AGAP1: variants seen among roughly 807,000 people sequenced by gnomAD.
AGAP1 encodes arf-GAP with GTPase, ANK repeat and PH domain-containing protein 1.
A neutral mutation model predicts 105.3 loss-of-function variants in AGAP1; 29 were observed. The ratio of observed to expected loss-of-function variants is 0.28; its 90% CI spans 0.21 to 0.38. The LOEUF (loss-of-function observed/expected upper bound fraction) is 0.38, where lower values mean the gene tolerates loss of function less well. Ranked by LOEUF, AGAP1 falls within the 10% of genes least tolerant of loss-of-function variation. The pLI is 1.00. For missense variants in AGAP1, 998 were observed against 1,165.1 expected, an observed-to-expected ratio of 0.86 and a Z score of 2.09; for synonymous variants, 509 against 485.9, an observed-to-expected ratio of 1.05 and a Z score of -0.63.
At chr2:236,060,046 G>A (rs1241590677) in intron 16 of AGAP1, among the ~76,000 whole-genome samples, 8 of 152,086 alleles carry the variant, frequency 5.3e-5, no homozygotes, top group South Asian at 4.2e-4. Context: ...AGCCGAGATC[G>A]CACCACTGCA....
chr2:235,956,243 G>C (rs2053943784), intron 12 of AGAP1, among the ~76,000 whole-genome samples: 1 of 152,196 alleles, frequency 6.6e-6, no homozygotes. Flanking sequence ...TAACAGCGCT[G>C]CGCATCGTGC....
chr2:235,745,412 T>G (rs1246987820), intron 5 of AGAP1, among the ~76,000 whole-genome samples: 1 of 152,328 alleles, frequency 6.6e-6, no homozygotes, highest in African/African-American at 2.4e-5. Context: ...ACTTGGTCTC[T>G]TAGTGGAGTG....
chr2:236,104,772 C>T lies in AGAP1; in HGVS notation c.2115-15420C>T, dbSNP rs1345488142. Among the ~76,000 whole-genome samples the T allele has an allele frequency of 2.0e-5, 3 of 152,154 alleles. No individual in the cohort carries two copies. The highest frequency in any genetic ancestry group is 4.4e-5 in the Non-Finnish European group (3 of 68,030). On this transcript the variant is annotated intron_variant, in intron 16 of 17. Transcript: ENST00000304032. The surrounding 1 kb of genome is among the most constrained non-coding windows in gnomAD (Gnocchi z 4.7). Reference sequence around the variant, plus strand: ...GGCATGGTGATGCGTGCCTGTAATCCCAGCTACTCGGGAGGCTGAGGCAGG... The same window carrying T: ...GGCATGGTGATGCGTGCCTGTAATCTCAGCTACTCGGGAGGCTGAGGCAGG...
In AGAP1 at chr2:235,942,523, C is replaced by G. The variant is rs560932317; in HGVS notation, c.1483+11600C>G. 3.1e-3 allele frequency among the ~76,000 whole-genome samples: 464 copies of G among 152,006 alleles called. 1 individual carries two copies. Among genetic ancestry groups the G allele is most frequent in the Non-Finnish European group, 5.1e-3 (350 of 67,970 alleles). On this transcript the variant is annotated intron_variant, in intron 12 of 17. Transcript: ENST00000304032. ...AGATACCCCGTCTCTGCTAAAAATA[C>G]AAAAGTAGCCAGGCATGGTGGAACA... is the stretch of plus-strand genomic sequence containing the variant.
intron 17 of AGAP1, among the ~76,000 whole-genome samples, chr2:236,122,619 C>G (rs933258105): frequency 3.3e-5 from 5 of 151,962 alleles, no homozygotes; most frequent in Admixed American, 3.3e-4. Flanking sequence ...TAATCAATCA[C>G]AGATCCTAAG....
chr2:235,669,938 C>A (rs1265429220), intron 1 of AGAP1: 1 of 154,858 alleles, frequency 6.5e-6, no homozygotes, highest in Non-Finnish European at 1.4e-5. Flanking sequence ...GCGCACGGGC[C>A]GGCGGGTGCC....
Position 236,042,119 on chromosome 2 carries a change from A to G in AGAP1, c.1891+1278A>G, listed in dbSNP as rs1026584578. Among the ~76,000 whole-genome samples, 3 of 152,116 alleles carry G rather than the reference A, an allele frequency of 2.0e-5. No individual in the cohort carries two copies. In the East Asian group the frequency reaches 5.8e-4, roughly 29 times the overall value. On this transcript the variant is annotated intron_variant, in intron 15 of 17. Coordinates refer to ENST00000304032, the MANE Select transcript of AGAP1 (RefSeq NM_001037131.3). This position sits in a 1 kb window ranked among gnomAD's most constrained non-coding sequence, Gnocchi z 5.6. ...GAGTTTTAGAGCAGGAAGGAGATGGACCCTGAGCTCCACTTGGGGAGATGG... is the reference window on the plus strand; with the variant it reads ...GAGTTTTAGAGCAGGAAGGAGATGGGCCCTGAGCTCCACTTGGGGAGATGG...
At chr2:235,653,928 C>T (rs1184373283) in intron 1 of AGAP1, among the ~76,000 whole-genome samples, 4 of 152,110 alleles carry the variant, frequency 2.6e-5, no homozygotes, top group Non-Finnish European at 4.4e-5. Flanking sequence ...TGGTGGCAGG[C>T]GCCTGTAATC....
At position 236,120,663 on chromosome 2, in the gene AGAP1, A is replaced by G. The variant is rs2059877778; in HGVS notation, c.2370+216A>G. On this transcript the variant is annotated intron_variant, in intron 17 of 17. Transcript: ENST00000304032. The surrounding 1 kb of genome is among the most constrained non-coding windows in gnomAD (Gnocchi z 6.0). ...ACTTGCTAGAGTTTCTGAAAATTGCAACTTTGTGATTGCCCCTTATCAAGC... is the reference window on the plus strand; with the variant it reads ...ACTTGCTAGAGTTTCTGAAAATTGCGACTTTGTGATTGCCCCTTATCAAGC... Among the ~76,000 whole-genome samples, 1 of 152,202 alleles carries G rather than the reference A, an allele frequency of 6.6e-6. No individual in the cohort carries two copies. The highest frequency in any genetic ancestry group is 2.4e-5 in the African/African-American group (1 of 41,458).
rs1236130583 is a variant in AGAP1 at position 235,609,013 on chromosome 2, G to A, written c.164-100166G>A. ...AATTACAGAAGAGCAAATTTAAGAA[G>A]CTAAGGAGGGAGGAAGGAGGCAGTG... On this transcript the variant is annotated intron_variant, in intron 1 of 17. Coordinates refer to ENST00000304032, the MANE Select transcript of AGAP1 (RefSeq NM_001037131.3). The surrounding 1 kb of genome is among the most constrained non-coding windows in gnomAD (Gnocchi z 5.1). Among the ~76,000 whole-genome samples the A allele has an allele frequency of 6.6e-6, 1 of 151,958 alleles. No homozygotes were observed. Among genetic ancestry groups the A allele is most frequent in the Non-Finnish European group, 1.5e-5 (1 of 68,018 alleles).
At position 235,943,565 on chromosome 2, in the gene AGAP1, G is replaced by A. The variant is rs186258145; in HGVS notation, c.1483+12642G>A. ...GGGTTTCGCCATGTTGGCCAGGCTG[G>A]TCCCGAACTCCTGACCTAAGGTGAT... On this transcript the variant is annotated intron_variant, in intron 12 of 17. Transcript: ENST00000304032. 2.6e-5 allele frequency among the ~76,000 whole-genome samples: 4 copies of A among 152,112 alleles called. No homozygotes were observed. In the East Asian group the frequency reaches 7.7e-4, roughly 29 times the overall value.
At chr2:235,873,485 T>C (rs1158977882) in intron 9 of AGAP1, among the ~76,000 whole-genome samples, 2 of 152,094 alleles carry the variant, frequency 1.3e-5, no homozygotes, top group Non-Finnish European at 2.9e-5. Context: ...TTTTTCCTAT[T>C]GTTTTGGCAA....
At chr2:235,870,502 T>A (rs1337063604) in intron 9 of AGAP1, among the ~76,000 whole-genome samples, 1 of 152,080 alleles carries the variant, frequency 6.6e-6, no homozygotes, top group Non-Finnish European at 1.5e-5. Context: ...GGCACATGTG[T>A]GTAATCCCAT....
intron 1 of AGAP1, among the ~76,000 whole-genome samples, chr2:235,687,641 A>G (rs1949522096): frequency 6.6e-6 from 1 of 152,164 alleles, no homozygotes; most frequent in African/African-American, 2.4e-5. Context: ...ACATGACCTG[A>G]TGAGTTTTCA....
chr2:235,933,279 A>G (rs1277697421), intron 12 of AGAP1, among the ~76,000 whole-genome samples: 1 of 152,186 alleles, frequency 6.6e-6, no homozygotes, highest in Non-Finnish European at 1.5e-5. Flanking sequence ...ACAAAGACCC[A>G]GAGAGGAGGA....
chr2:235,919,218 T>C lies in AGAP1; in HGVS notation c.1324+10312T>C, dbSNP rs1041695630. On this transcript the variant is annotated intron_variant, in intron 11 of 17. Coordinates refer to ENST00000304032, the MANE Select transcript of AGAP1 (RefSeq NM_001037131.3). This position sits in a 1 kb window ranked among gnomAD's most constrained non-coding sequence, Gnocchi z 4.1. Reference sequence around the variant, plus strand: ...CCGGGGGCCAGTGAGAACCGAGGCCTTGGGAAAGGGCTTCTGGTTCTTCCA... The same window carrying C: ...CCGGGGGCCAGTGAGAACCGAGGCCCTGGGAAAGGGCTTCTGGTTCTTCCA... Among the ~76,000 whole-genome samples, 11 of 152,148 alleles carry C rather than the reference T, an allele frequency of 7.2e-5. No homozygotes were observed. The highest frequency in any genetic ancestry group is 1.6e-4 in the Non-Finnish European group (11 of 68,022).
Position 236,120,322 on chromosome 2 carries a change from A to G in AGAP1, c.2245A>G (p.Ile749Val). Reference protein sequence around the residue: ...ATADEDLRTAILLLAHGSRDE... With the variant: ...ATADEDLRTAVLLLAHGSRDE... ...CGCCGACGAGGACCTGCGGACGGCC[A>G]TCCTGCTGCTGGCACACGGCTCCCG... Residue 749 changes from isoleucine (I) to valine (V), a missense_variant, in exon 17 of 18, where the codon ATC becomes GTC. Transcript: ENST00000304032. This position sits in a 1 kb window ranked among gnomAD's most constrained non-coding sequence, Gnocchi z 6.0. 2 of 1,612,460 alleles carry G rather than the reference A, an allele frequency of 1.2e-6. No individual in the cohort carries two copies. The highest frequency in any genetic ancestry group is 1.7e-6 in the Non-Finnish European group (2 of 1,179,680).
intron 1 of AGAP1, among the ~76,000 whole-genome samples, chr2:235,500,798 G>A (rs1011722574): frequency 6.6e-6 from 1 of 152,214 alleles, no homozygotes; most frequent in Non-Finnish European, 1.5e-5. Flanking sequence ...GGGTTCAAGA[G>A]ACTGGAGAGG....
rs927978688 is a variant in AGAP1, at chr2:236,042,451, G to C, written c.1891+1610G>C. On this transcript the variant is annotated intron_variant, in intron 15 of 17. Transcript: ENST00000304032. The surrounding 1 kb of genome is among the most constrained non-coding windows in gnomAD (Gnocchi z 5.6). ...TTTAAGTTTTACTTTCAAATGTGTGGTGAAATGAAGTTCGAAGAGAGAAGC... is the reference window on the plus strand; with the variant it reads ...TTTAAGTTTTACTTTCAAATGTGTGCTGAAATGAAGTTCGAAGAGAGAAGC... Among the ~76,000 whole-genome samples the C allele has an allele frequency of 1.3e-5, 2 of 152,228 alleles. No homozygotes were observed. The highest frequency in any genetic ancestry group is 2.9e-5 in the Non-Finnish European group (2 of 68,044).
Sources: allele counts gnomAD v4.1 joint callset (sites outside exome capture counted in the v4.1 genomes callset), GRCh38; gene constraint gnomAD v4.1.1; non-coding constraint Gnocchi (gnomAD v3.1); transcripts MANE v1.5; gene names NCBI Gene and HGNC (gene_info 2026-07-23, HGNC 2026-07-21).